Variants in FGFR2 observed in about 807,000 individuals in gnomAD.
FGFR2 encodes fibroblast growth factor receptor 2.
FGFR2 carries 19 observed loss-of-function variants against 95.9 expected under a neutral mutation model. The observed-to-expected ratio is 0.20, with a 90% CI of 0.14 to 0.29. The LOEUF is 0.29. Ranked by LOEUF, FGFR2 falls within the 10% of genes least tolerant of loss-of-function variation. The pLI is 1.00. For synonymous variants in FGFR2, 392 were observed against 393.3 expected (o/e 1.00, Z 0.04); for missense variants, 707 against 1,056.9 (o/e 0.67, Z 4.59).
intron 2 of FGFR2, among the ~76,000 whole-genome samples, chr10:121,573,085 CT>C (rs565848496): frequency 6.6e-6 from 1 of 152,224 alleles, no homozygotes; most frequent in Non-Finnish European, 1.5e-5. Context: ...TCAGGTAACA[CT>C]TTACGTTGCC....
At chr10:121,574,193 T>G (rs928089942) in intron 2 of FGFR2, among the ~76,000 whole-genome samples, 2 of 152,088 alleles carry the variant, frequency 1.3e-5, no homozygotes, top group Non-Finnish European at 2.9e-5. Flanking sequence ...TATGGCACAA[T>G]CTGGGTATCA....
At chr10:121,559,050 C>A (rs1268305468) in intron 4 of FGFR2, among the ~76,000 whole-genome samples, 1 of 125,082 alleles carries the variant, frequency 8.0e-6, no homozygotes, top group East Asian at 2.7e-4. Context: ...GAATAACCTG[C>A]AATATATTTT....
intron 6 of FGFR2, among the ~76,000 whole-genome samples, chr10:121,521,708 G>A (rs1348464992): frequency 1.3e-5 from 2 of 150,676 alleles, no homozygotes; most frequent in Non-Finnish European, 2.9e-5. Flanking sequence ...CCTGCGCACT[G>A]TTGGTGGGAA....
At chr10:121,596,164 G>A (rs914219418) in intron 1 of FGFR2, among the ~76,000 whole-genome samples, 1 of 152,220 alleles carries the variant, frequency 6.6e-6, no homozygotes, top group Non-Finnish European at 1.5e-5. Context: ...CCCCTTGAAA[G>A]GGAACTCTCT....
chr10:121,596,220 T>A (rs535614614), intron 1 of FGFR2, among the ~76,000 whole-genome samples: 91 of 152,318 alleles, frequency 6.0e-4, no homozygotes, highest in Non-Finnish European at 8.7e-4. Flanking sequence ...CTCTGATGGA[T>A]GGCTCTTCTC....
chr10:121,562,272 G>A (rs1028837854), intron 4 of FGFR2, among the ~76,000 whole-genome samples: 3 of 151,864 alleles, frequency 2.0e-5, no homozygotes, highest in East Asian at 3.9e-4. Flanking sequence ...AAACTTGGAA[G>A]CAACAGAGTT....
At chr10:121,570,105 C>G (rs112289175) in intron 2 of FGFR2, among the ~76,000 whole-genome samples, 2 of 152,150 alleles carry the variant, frequency 1.3e-5, no homozygotes, top group Non-Finnish European at 2.9e-5. Flanking sequence ...CCAGCACACA[C>G]GACACATATC....
At chr10:121,523,722 G>A (rs1194136010) in intron 6 of FGFR2, among the ~76,000 whole-genome samples, 2 of 152,186 alleles carry the variant, frequency 1.3e-5, no homozygotes, top group African/African-American at 4.8e-5. Flanking sequence ...TGTGTGTGTA[G>A]TGTGGGTGCG....
intron 5 of FGFR2, 44 bp downstream of exon 5, chr10:121,551,246 A>C (rs748888831): frequency 6.2e-7 from 1 of 1,609,070 alleles, no homozygotes; most frequent in East Asian, 2.2e-5. Flanking sequence ...TAAATAAATA[A>C]ACAAAAATGT....
At chr10:121,529,671 A>C (rs931015158) in intron 6 of FGFR2, among the ~76,000 whole-genome samples, 1 of 152,206 alleles carries the variant, frequency 6.6e-6, no homozygotes, top group African/African-American at 2.4e-5. Flanking sequence ...GTTTGAGAGA[A>C]TCCTGTAATC....
chr10:121,483,076 C>T (rs528515852), intron 17 of FGFR2, among the ~76,000 whole-genome samples: 4 of 152,150 alleles, frequency 2.6e-5, no homozygotes, highest in South Asian at 2.1e-4. Flanking sequence ...GGATTACAGG[C>T]GAGAGCATAA....
intron 15 of FGFR2, 65 bp downstream of exon 15, chr10:121,487,289 G>T: frequency 1.6e-6 from 2 of 1,273,928 alleles, no homozygotes; most frequent in Non-Finnish European, 2.3e-6. Context: ...GAAGAAAGGT[G>T]AAGTACGTAC....
chr10:121,482,272 G>T, intron 17 of FGFR2: 2 of 1,161,096 alleles, frequency 1.7e-6, no homozygotes, highest in African/African-American at 1.5e-5. Flanking sequence ...GAAGAAAGTT[G>T]GTTTCTTCCC....
intron 9 of FGFR2, among the ~76,000 whole-genome samples, chr10:121,514,775 G>A (rs1427245304): frequency 6.6e-6 from 1 of 152,192 alleles, no homozygotes; most frequent in East Asian, 1.9e-4. Flanking sequence ...CACAGGACAC[G>A]AATGTGGCTA....
intron 14 of FGFR2, 85 bp downstream of exon 14, chr10:121,487,906 G>C (rs2133831558): frequency 6.4e-7 from 1 of 1,557,834 alleles, no homozygotes; most frequent in East Asian, 2.2e-5. Flanking sequence ...ATCCCACCCA[G>C]CTCTCAACAT....
At chr10:121,589,482 A>G (rs1024552013) in intron 2 of FGFR2, among the ~76,000 whole-genome samples, 6 of 152,126 alleles carry the variant, frequency 3.9e-5, no homozygotes, top group African/African-American at 1.4e-4. Flanking sequence ...AAGACTTGAA[A>G]GGAATAAAGT....
chr10:121,488,127 A>G lies in FGFR2; in HGVS notation c.1864-14T>C. On this transcript the variant is annotated splice_polypyrimidine_tract_variant and intron_variant, in intron 13 of 17. Transcript: ENST00000358487. ...TCGATGAATACACTGAAATCAAGAA[A>G]GAAGCAAGAGAAATAACTAATTTCA... 6.2e-7 allele frequency: 1 copy of G among 1,613,270 alleles called. No individual in the cohort carries two copies.
At chr10:121,582,964 T>G (rs1201716217) in intron 2 of FGFR2, among the ~76,000 whole-genome samples, 3 of 152,174 alleles carry the variant, frequency 2.0e-5, no homozygotes, top group African/African-American at 7.2e-5. Context: ...TGGAGTTCAC[T>G]TTTTATTTTT....
chr10:121,538,535 C>G (rs1359354209), intron 6 of FGFR2, 57 bp downstream of exon 6: 1 of 1,612,420 alleles, frequency 6.2e-7, no homozygotes, highest in South Asian at 1.1e-5. Flanking sequence ...TGCTTTCAAA[C>G]GAGTCAAGCA....
Sources: allele counts gnomAD v4.1 joint callset (sites outside exome capture counted in the v4.1 genomes callset), GRCh38; gene constraint gnomAD v4.1.1; transcripts MANE v1.5; gene names NCBI Gene and HGNC (gene_info 2026-07-23, HGNC 2026-07-21).